Variants in CNTN5 observed in about 807,000 individuals in gnomAD.
CNTN5 encodes the protein contactin 5.
A neutral mutation model predicts 129.1 loss-of-function variants in CNTN5; 77 were observed. That is an observed-to-expected ratio of 0.60 (90% confidence interval 0.50 to 0.72). CNTN5 has a LOEUF of 0.72. Among genes scored for constraint, CNTN5 ranks in the 30% least tolerant of loss-of-function variants. The pLI is 0.00. For missense variants in CNTN5, 1,478 were observed against 1,328.8 expected, an observed-to-expected ratio of 1.11 and a Z score of -1.75; for synonymous variants, 509 against 465.6, an observed-to-expected ratio of 1.09 and a Z score of -1.20.
intron 2 of CNTN5, among the ~76,000 whole-genome samples, chr11:99,550,191 G>A (rs2135520306): frequency 6.6e-6 from 1 of 152,086 alleles, no homozygotes; most frequent in Non-Finnish European, 1.5e-5. Context: ...ACTTTGTCCA[G>A]GACACAAAAC....
chr11:99,784,396 G>T (rs1026400573), intron 3 of CNTN5, among the ~76,000 whole-genome samples: 3 of 151,838 alleles, frequency 2.0e-5, no homozygotes, highest in Non-Finnish European at 2.9e-5. Flanking sequence ...GAGAACATGC[G>T]GTGTTTGGTG....
chr11:100,052,999 C>G (rs533732778), intron 9 of CNTN5, among the ~76,000 whole-genome samples: 1 of 151,762 alleles, frequency 6.6e-6, no homozygotes, highest in South Asian at 2.1e-4. Flanking sequence ...ATGGATATCA[C>G]TGTTAAATAA....
rs1214272195 is a variant in CNTN5, at chr11:100,234,795, A to ATT, written c.2005+9983_2005+9984insTT. On this transcript the variant is annotated intron_variant, in intron 16 of 24. Coordinates refer to ENST00000524871, the MANE Select transcript of CNTN5 (RefSeq NM_014361.4). ...TCTGCACATGTATCCCAGAATTTAA[A>ATT]AAAAAAAAAAAAAAAAAAAAAAGAA... 1.7e-3 allele frequency among the ~76,000 whole-genome samples: 231 copies of ATT among 136,836 alleles called. 2 individuals carry two copies. Among genetic ancestry groups the ATT allele is most frequent in the African/African-American group, 7.5e-3 (225 of 30,174 alleles). The allele number at this position is 136,836 out of a possible 152,430, so 89.8% of individuals were successfully genotyped here.
intron 21 of CNTN5, among the ~76,000 whole-genome samples, chr11:100,328,137 G>T (rs1197653853): frequency 6.6e-6 from 1 of 152,056 alleles, no homozygotes; most frequent in Non-Finnish European, 1.5e-5. Flanking sequence ...GACCGTTTAA[G>T]GCCAGGAGTC....
chr11:99,325,658 T>A (rs1350177527), intron 2 of CNTN5, among the ~76,000 whole-genome samples, 174 bp downstream of exon 2: 1 of 152,216 alleles, frequency 6.6e-6, no homozygotes, highest in African/African-American at 2.4e-5. Flanking sequence ...ACACCTTGAT[T>A]GTGTCAGTAA....
Position 99,858,448 on chromosome 11 carries a change from C to A in CNTN5, c.577+13186C>A, listed in dbSNP as rs184371066. Among the ~76,000 whole-genome samples, 637 of 152,066 alleles carry A rather than the reference C, an allele frequency of 4.2e-3. 1 individual carries two copies. The highest frequency in any genetic ancestry group is 6.7e-3 in the Non-Finnish European group (456 of 67,922). On this transcript the variant is annotated intron_variant, in intron 6 of 24. Coordinates refer to ENST00000524871, the MANE Select transcript of CNTN5 (RefSeq NM_014361.4). The stretch of plus-strand genomic sequence containing the variant: ...AACTAGGATGTTTATTAAAGAAAAT[C>A]TCTATGTCTCTGTGCACCAATATGC...
At chr11:99,971,435 G>A (rs1222790889) in intron 8 of CNTN5, among the ~76,000 whole-genome samples, 2 of 151,776 alleles carry the variant, frequency 1.3e-5, no homozygotes, top group East Asian at 3.9e-4. Flanking sequence ...CACAACTACT[G>A]GGGAGGCTGA....
chr11:100,148,740 G>A (rs1173042770), intron 13 of CNTN5, among the ~76,000 whole-genome samples: 2 of 151,946 alleles, frequency 1.3e-5, no homozygotes, highest in Non-Finnish European at 2.9e-5. Flanking sequence ...AACACGTGTG[G>A]ATAATGGAAA....
chr11:99,969,453 T>G (rs942333676), intron 8 of CNTN5, among the ~76,000 whole-genome samples: 1 of 152,126 alleles, frequency 6.6e-6, no homozygotes, highest in African/African-American at 2.4e-5. Flanking sequence ...TTATCTAACT[T>G]TTTTTAATAT....
intron 1 of CNTN5, among the ~76,000 whole-genome samples, chr11:99,085,476 A>G (rs1313951193): frequency 6.6e-6 from 1 of 151,732 alleles, no homozygotes; most frequent in Non-Finnish European, 1.5e-5. Context: ...ATTACTTCAT[A>G]CTTTTTGGTG....
intron 2 of CNTN5, among the ~76,000 whole-genome samples, chr11:99,371,441 T>C (rs61891993): frequency 0.036 from 5,491 of 152,182 alleles, 177 homozygotes; most frequent in East Asian, 0.14. Flanking sequence ...CTTTGAGTAA[T>C]GACTCATAGT....
chr11:100,004,373 G>A (rs977837878), intron 9 of CNTN5, among the ~76,000 whole-genome samples: 1 of 151,970 alleles, frequency 6.6e-6, no homozygotes. Context: ...CTTTCCATGG[G>A]GGCTCTCATT....
intron 13 of CNTN5, among the ~76,000 whole-genome samples, chr11:100,128,743 G>C (rs2112071): frequency 2.6e-5 from 4 of 151,870 alleles, no homozygotes; most frequent in Admixed American, 2.6e-4. Context: ...GTTCCTTCTT[G>C]CCTCAGAGAG....
chr11:99,103,333 A>T (rs1380675873), intron 1 of CNTN5, among the ~76,000 whole-genome samples: 1 of 152,214 alleles, frequency 6.6e-6, no homozygotes, highest in East Asian at 1.9e-4. Flanking sequence ...CTAGCACAGC[A>T]CCAAGGTGGT....
At chr11:99,518,620 T>C (rs1160691929) in intron 2 of CNTN5, among the ~76,000 whole-genome samples, 4 of 152,082 alleles carry the variant, frequency 2.6e-5, no homozygotes. Flanking sequence ...ATGGCAGCAA[T>C]GGCTATATTA....
chr11:99,973,403 C>T (rs906192562), intron 8 of CNTN5, among the ~76,000 whole-genome samples: 1 of 151,984 alleles, frequency 6.6e-6, no homozygotes, highest in Non-Finnish European at 1.5e-5. Flanking sequence ...ATTGAGCTGC[C>T]ATAGGTGATA....
intron 15 of CNTN5, among the ~76,000 whole-genome samples, chr11:100,221,183 G>T (rs1401933460): frequency 6.6e-6 from 1 of 152,132 alleles, no homozygotes. Flanking sequence ...AAAGAAAAAA[G>T]AAAGAGCACC....
intron 13 of CNTN5, among the ~76,000 whole-genome samples, chr11:100,162,333 A>ATACTT (rs1233483787): frequency 6.6e-6 from 1 of 151,932 alleles, no homozygotes; most frequent in Non-Finnish European, 1.5e-5. Flanking sequence ...TATGCTAATT[A>ATACTT]TACTTTATTC....
rs550606295 is a variant in CNTN5 at position 100,271,258 on chromosome 11, G to T, written c.2314+17G>T. ...ATGAAGCAGGTAAAAATTTGGAAGA[G>T]TCAGATTGGATTTGGTATGCTTCTA... On this transcript the variant is annotated intron_variant, in intron 18 of 24. Transcript: ENST00000524871. The T allele has an allele frequency of 1.9e-6, 3 of 1,583,748 alleles. No homozygotes were observed. Among genetic ancestry groups the T allele is most frequent in the South Asian group, 1.2e-5 (1 of 85,720 alleles).
Sources: allele counts gnomAD v4.1 joint callset (sites outside exome capture counted in the v4.1 genomes callset), GRCh38; gene constraint gnomAD v4.1.1; transcripts MANE v1.5; gene names NCBI Gene and HGNC (gene_info 2026-07-23, HGNC 2026-07-21).